TMEM131L: variants seen among roughly 807,000 people sequenced by gnomAD.
TMEM131L encodes transmembrane protein 131-like.
TMEM131L carries 54 observed loss-of-function variants against 192.2 expected under a neutral mutation model. The observed-to-expected ratio is 0.28, with a 90% CI of 0.23 to 0.35. TMEM131L has a LOEUF of 0.35. Among genes scored for constraint, TMEM131L ranks in the 10% least tolerant of loss-of-function variants. The pLI, the probability that TMEM131L is intolerant of heterozygous loss-of-function variation, is 1.00. For missense variants in TMEM131L, 1,888 were observed against 1,972.9 expected, an observed-to-expected ratio of 0.96 and a Z score of 0.82; for synonymous variants, 701 against 704.9, an observed-to-expected ratio of 0.99 and a Z score of 0.09.
chr4:153,628,226 C>A (rs527977039), intron 31 of TMEM131L, among the ~76,000 whole-genome samples: 1 of 152,204 alleles, frequency 6.6e-6, no homozygotes, highest in Non-Finnish European at 1.5e-5. Flanking sequence ...CTTCTGCCTG[C>A]GGGGAAGGCA....
At chr4:153,539,296 T>G (rs1736584811) in intron 3 of TMEM131L, among the ~76,000 whole-genome samples, 1 of 152,134 alleles carries the variant, frequency 6.6e-6, no homozygotes, top group African/African-American at 2.4e-5. Context: ...TTTGTTGGGT[T>G]TCATATAAGA....
At chr4:153,570,246 G>T (rs1040945968) in intron 7 of TMEM131L, among the ~76,000 whole-genome samples, 2 of 152,114 alleles carry the variant, frequency 1.3e-5, no homozygotes, top group Non-Finnish European at 2.9e-5. Flanking sequence ...ATTGGAAAAC[G>T]TGTCCCCCCA....
intron 7 of TMEM131L, among the ~76,000 whole-genome samples, chr4:153,569,860 T>C (rs112880810): frequency 5.7e-4 from 87 of 152,328 alleles, no homozygotes; most frequent in African/African-American, 1.8e-3. Context: ...CCCTCTTCTA[T>C]TATGAAACTC....
chr4:153,542,321 G>C (rs1026511448), intron 3 of TMEM131L, among the ~76,000 whole-genome samples: 1 of 152,158 alleles, frequency 6.6e-6, no homozygotes, highest in African/African-American at 2.4e-5. Context: ...TTCAAGAGAG[G>C]GTAGCCAGTG....
intron 3 of TMEM131L, among the ~76,000 whole-genome samples, chr4:153,499,758 G>A (rs1251193917): frequency 1.3e-5 from 2 of 152,118 alleles, no homozygotes; most frequent in Non-Finnish European, 2.9e-5. Context: ...TGGTTATTCA[G>A]CTTCAGCTTG....
chr4:153,475,460 G>T (rs1337390066), intron 3 of TMEM131L, among the ~76,000 whole-genome samples: 2 of 152,204 alleles, frequency 1.3e-5, no homozygotes, highest in East Asian at 3.8e-4. Flanking sequence ...TAAAAAACCT[G>T]TCTCATTCTA....
At chr4:153,627,709 G>T (rs751283521) in intron 31 of TMEM131L, 22 bp downstream of exon 31, 1 of 1,577,566 alleles carries the variant, frequency 6.3e-7, no homozygotes, top group South Asian at 1.1e-5. Context: ...TCGTCTTGCT[G>T]CAGACATCAG....
intron 2 of TMEM131L, among the ~76,000 whole-genome samples, chr4:153,471,511 A>C (rs1359478008): frequency 1.3e-5 from 2 of 152,206 alleles, no homozygotes. Flanking sequence ...TGCAGGTAAC[A>C]GGTGGAATGC....
chr4:153,518,491 A>G (rs2150127909), intron 3 of TMEM131L, among the ~76,000 whole-genome samples: 1 of 152,320 alleles, frequency 6.6e-6, no homozygotes, highest in South Asian at 2.1e-4. Flanking sequence ...AAAGCTTGAA[A>G]ACATAGTGAA....
chr4:153,510,416 A>C (rs1397745879), intron 3 of TMEM131L, among the ~76,000 whole-genome samples: 1 of 152,096 alleles, frequency 6.6e-6, no homozygotes, highest in East Asian at 1.9e-4. Context: ...TTTTCCTTTC[A>C]CACCTTCTCT....
chr4:153,477,421 G>T (rs538100379), intron 3 of TMEM131L, among the ~76,000 whole-genome samples: 1 of 152,166 alleles, frequency 6.6e-6, no homozygotes, highest in African/African-American at 2.4e-5. Flanking sequence ...TTTTGTAGAT[G>T]CAGTTCTCTT....
chr4:153,619,886 G>A (rs991687839), intron 26 of TMEM131L, among the ~76,000 whole-genome samples: 6 of 152,166 alleles, frequency 3.9e-5, no homozygotes, highest in Non-Finnish European at 8.8e-5. Context: ...CCTCTGTGAG[G>A]TGCCTGGAGA....
intron 13 of TMEM131L, 47 bp downstream of exon 13, chr4:153,585,658 G>C (rs770848961): frequency 7.1e-7 from 1 of 1,407,580 alleles, no homozygotes; most frequent in East Asian, 2.5e-5. Flanking sequence ...TTTAAGCTTT[G>C]TTTAAGGTCA....
At chr4:153,632,882 G>A (rs914063170) in intron 32 of TMEM131L, 44 bp downstream of exon 32, 2 of 1,602,822 alleles carry the variant, frequency 1.2e-6, no homozygotes, top group Non-Finnish European at 1.7e-6. Flanking sequence ...TAGTCTAAGG[G>A]CTTGCAGTTG....
At chr4:153,619,602 T>C (rs557128569) in intron 26 of TMEM131L, among the ~76,000 whole-genome samples, 10 of 152,380 alleles carry the variant, frequency 6.6e-5, no homozygotes, top group South Asian at 4.1e-4. Flanking sequence ...GCTTCTAGTT[T>C]TTATTTACTG....
intron 3 of TMEM131L, among the ~76,000 whole-genome samples, chr4:153,528,754 T>C (rs899433992): frequency 6.6e-6 from 1 of 152,010 alleles, no homozygotes; most frequent in African/African-American, 2.4e-5. Context: ...CTAATAGAAA[T>C]AGTCTTGGGG....
chr4:153,600,271 G>A (rs1275040315), intron 21 of TMEM131L, among the ~76,000 whole-genome samples: 2 of 151,926 alleles, frequency 1.3e-5, no homozygotes, highest in African/African-American at 2.4e-5. Flanking sequence ...GGAGGCAGAG[G>A]TGGGAGGATT....
chr4:153,506,854 AAAAAAAAGAAGAAAG>A, intron 3 of TMEM131L, among the ~76,000 whole-genome samples: 1 of 147,250 alleles, frequency 6.8e-6, no homozygotes, highest in East Asian at 1.9e-4. Context: ...AAAAAAAAAA[AAAAAAAAGAAGAAAG>A]AAAAAAAGAG....
At chr4:153,628,388 A>G (rs1733992943) in intron 31 of TMEM131L, among the ~76,000 whole-genome samples, 1 of 152,038 alleles carries the variant, frequency 6.6e-6, no homozygotes, top group Non-Finnish European at 1.5e-5. Flanking sequence ...GTTTGATTCT[A>G]GGGCTTCTTT....
Sources: allele counts gnomAD v4.1 joint callset (sites outside exome capture counted in the v4.1 genomes callset), GRCh38; gene constraint gnomAD v4.1.1; transcripts MANE v1.5; gene names NCBI Gene and HGNC (gene_info 2026-07-23, HGNC 2026-07-21).